The following DSC1 variants were observed in gnomAD, a reference collection of about 807,000 sequenced individuals.
DSC1 encodes desmocollin 1, also known as desmocollin-1.
Under a neutral mutation model 98.8 loss-of-function variants are expected in DSC1, and 79 were observed. The observed-to-expected ratio is 0.80, with a 90% confidence interval of 0.67 to 0.96. The LOEUF (loss-of-function observed/expected upper bound fraction) is 0.96. Ranked by LOEUF, DSC1 falls within the 50% of genes least tolerant of loss-of-function variation. The pLI, the probability that DSC1 is intolerant of heterozygous loss-of-function variation, is 0.00. For missense variants in DSC1, 1,115 were observed against 1,075.9 expected (o/e 1.04, Z -0.51); for synonymous variants, 405 against 372.1 (o/e 1.09, Z -1.02).
Position 31,162,617 on chromosome 18 carries a change from G to A in DSC1, c.-23C>T. The A allele has an allele frequency of 6.2e-7, 1 of 1,611,560 alleles. No homozygotes were observed. The highest frequency in any genetic ancestry group is 2.2e-5 in the East Asian group (1 of 44,862). The stretch of plus-strand genomic sequence containing the variant: ...CATCAGAAGCAGTCCCAATGGCCAG[G>A]GACGGTGGCCAGATAACAGGGCAGC... On this transcript the variant is annotated 5_prime_UTR_variant, in exon 1 of 16. Transcript: ENST00000257198.
At position 31,162,659 on chromosome 18, in the gene DSC1, G is replaced by GTCTTCTTAGCC; in HGVS notation, c.-66_-65insGGCTAAGAAGA. 2 of 1,478,452 alleles carry GTCTTCTTAGCC rather than the reference G, an allele frequency of 1.4e-6. No individual in the cohort carries two copies. The highest frequency in any genetic ancestry group is 1.9e-6 in the Non-Finnish European group (2 of 1,058,862). The allele number at this position is 1,478,452 out of a possible 1,614,324, so 91.6% of individuals were successfully genotyped here. On this transcript the variant is annotated 5_prime_UTR_variant, in exon 1 of 16. Transcript: ENST00000257198. ...CAGGGCAGCCTGGGATGCACAGAGC[G>GTCTTCTTAGCC]GCTAAGAAGACGCTGGCACTTGCAC...
At chr18:31,147,922 A>T (rs1399315749) in intron 6 of DSC1, among the ~76,000 whole-genome samples, 1 of 152,092 alleles carries the variant, frequency 6.6e-6, no homozygotes, top group African/African-American at 2.4e-5. Context: ...TCCTACATTT[A>T]GGCTTCTATA....
At chr18:31,158,790 TA>T (rs1989149816) in intron 2 of DSC1, among the ~76,000 whole-genome samples, 1 of 152,192 alleles carries the variant, frequency 6.6e-6, no homozygotes, top group South Asian at 2.1e-4. Flanking sequence ...ATTTCATGTC[TA>T]ATCAATTGAA....
chr18:31,139,864 T>C lies in DSC1; in HGVS notation c.1547A>G (p.Asn516Ser). ...AGTGTGTTGATTAATTTCAAACCAG[T>C]TATCTTCATCCCCTAACTTCTGATA... is the stretch of plus-strand genomic sequence containing the variant. Reference protein sequence around the residue: ...LRYQKLGDEDNWFEINQHTGD... With the variant: ...LRYQKLGDEDSWFEINQHTGD... The change falls in exon 11 of 16, where the codon AAC becomes AGC. Residue 516 changes from asparagine (N) to serine (S), a missense_variant. Physicochemically the swap from Asn to Ser is conservative, Grantham distance 46. Transcript: ENST00000257198. 6.2e-7 allele frequency: 1 copy of C among 1,609,476 alleles called. No homozygotes were observed. Among genetic ancestry groups the C allele is most frequent in the Non-Finnish European group, 8.5e-7 (1 of 1,178,774 alleles).
chr18:31,137,126 G>C (rs1988626990), intron 11 of DSC1, among the ~76,000 whole-genome samples: 1 of 150,428 alleles, frequency 6.6e-6, no homozygotes, highest in Non-Finnish European at 1.5e-5. Flanking sequence ...TAGAATCACT[G>C]TATTATAAAT....
rs993281866 is a variant in DSC1, at chr18:31,129,585, C to T, written c.*929G>A. 1.6e-4 allele frequency: 24 copies of T among 152,074 alleles called. No homozygotes were observed. The highest frequency in any genetic ancestry group is 1.4e-3 in the Admixed American group (22 of 15,254). The allele number at this position is 152,074 out of a possible 1,614,324, so 9.4% of individuals were successfully genotyped here. A position where few individuals can be genotyped will look rare whatever the true frequency, so the allele number is the denominator to read the frequency against. On this transcript the variant is annotated 3_prime_UTR_variant, in exon 16 of 16. Coordinates refer to ENST00000257198, the MANE Select transcript of DSC1 (RefSeq NM_024421.2). Reference sequence around the variant, plus strand: ...ATATCAGAGTTGCAGCCTAATGCATCAGGGCTAGTTGTCCAAATGCTTGGA... The same window carrying T: ...ATATCAGAGTTGCAGCCTAATGCATTAGGGCTAGTTGTCCAAATGCTTGGA...
chr18:31,139,690 A>G, intron 11 of DSC1, 58 bp downstream of exon 11: 2 of 1,443,428 alleles, frequency 1.4e-6, no homozygotes, highest in South Asian at 1.5e-5. Flanking sequence ...TTTCACCACA[A>G]GGTTTCCTTA....
chr18:31,154,679 A>G, intron 5 of DSC1, 95 bp downstream of exon 5: 6 of 1,121,212 alleles, frequency 5.4e-6, no homozygotes, highest in Non-Finnish European at 7.3e-6. Flanking sequence ...TAAATCAAAT[A>G]ATTGATTCTT....
rs567881119 is a variant in DSC1, at chr18:31,160,206, C to T, written c.64-677G>A. Among the ~76,000 whole-genome samples the T allele has an allele frequency of 1.5e-4, 23 of 152,198 alleles. No homozygotes were observed. In the South Asian group the frequency reaches 4.3e-3, roughly 29 times the overall value. ...TTTTAAAACCTAGGTAGTTCAAAGA[C>T]ATAGACACTATCTGAAAAAAACAAA... On this transcript the variant is annotated intron_variant, in intron 1 of 15. Coordinates refer to ENST00000257198, the MANE Select transcript of DSC1 (RefSeq NM_024421.2).
At chr18:31,146,487 A>G (rs553825943) in intron 6 of DSC1, among the ~76,000 whole-genome samples, 15 of 152,298 alleles carry the variant, frequency 9.8e-5, no homozygotes, top group African/African-American at 3.6e-4. Flanking sequence ...CCAATCCACC[A>G]TTGAAGGGCA....
rs761492687 is a variant in DSC1, at chr18:31,131,689, G to A, written c.2392C>T (p.Gln798Ter). The A allele has an allele frequency of 2.5e-5, 40 of 1,613,954 alleles. No homozygotes were observed. The highest frequency in any genetic ancestry group is 3.3e-5 in the Non-Finnish European group (39 of 1,179,984). ...ACTCCCTTGACGGACTCCAAGGTCT[G>A]ATGTCCACCTCCTTTGTTGGAATCC... is the stretch of plus-strand genomic sequence containing the variant. The part of the protein sequence containing the change: ...TLDSNKGGGH[Q>*]TLESVKGVGQ... The change falls in exon 15 of 16, where the codon CAG becomes TAG. Residue 798 changes from glutamine (Q) to a stop codon, truncating the protein, a stop_gained. Coordinates refer to ENST00000257198, the MANE Select transcript of DSC1 (RefSeq NM_024421.2). LOFTEE classifies it high-confidence loss of function.
At position 31,142,262 on chromosome 18, in the gene DSC1, GAAA is replaced by G. The variant is rs1387145088; in HGVS notation, c.1075-81_1075-79del. 204 of 1,458,948 alleles carry G rather than the reference GAAA, an allele frequency of 1.4e-4. 1 individual carries two copies. The East Asian group carries it at 4.8e-3, about 35-fold the overall frequency. 90.4% of individuals were successfully genotyped at this position (1,458,948 alleles called of 1,614,324 possible). A position where few individuals can be genotyped will look rare whatever the true frequency, so the allele number is the denominator to read the frequency against. On this transcript the variant is annotated intron_variant, in intron 8 of 15. Transcript: ENST00000257198. ...TTATATTCTAAAACACGTATTTAAA[GAAA>G]AAAATAAATAAAGTGATGTGAAAAG...
chr18:31,136,221 A>G (rs1988605435), intron 11 of DSC1, among the ~76,000 whole-genome samples: 1 of 152,112 alleles, frequency 6.6e-6, no homozygotes, highest in African/African-American at 2.4e-5. Context: ...TAACTTTAAA[A>G]TCAGCAAACT....
rs537908477 is a variant in DSC1, at chr18:31,157,397, C to T, written c.325G>A (p.Val109Ile). The change falls in exon 3 of 16, where the codon GTT becomes ATT. Residue 109 changes from valine to isoleucine, a missense_variant. Coordinates refer to ENST00000257198, the MANE Select transcript of DSC1 (RefSeq NM_024421.2). ...TTGTTTTCTCTTGCTGACAGTACAA[C>T]TTTTATCTCTTGTTGTTCCCGTCTC... Reference protein sequence around the residue: ...GQRREQQEIKVVLSARENKSP... With the variant: ...GQRREQQEIKIVLSARENKSP... 38 of 1,614,156 alleles carry T rather than the reference C, an allele frequency of 2.4e-5. No individual in the cohort carries two copies. In the East Asian group the frequency reaches 8.0e-4, roughly 34 times the overall value.
At chr18:31,142,892 T>G (rs1988765734) in intron 8 of DSC1, among the ~76,000 whole-genome samples, 1 of 152,010 alleles carries the variant, frequency 6.6e-6, no homozygotes, top group African/African-American at 2.4e-5. Context: ...TTAACAGACT[T>G]TCTATTTCCT....
At chr18:31,132,274 C>T in intron 14 of DSC1, 1 of 347,088 alleles carries the variant, frequency 2.9e-6, no homozygotes, top group South Asian at 3.6e-5. Context: ...CAGATCCCTC[C>T]CCAGTTCCTT....
At chr18:31,146,664 C>G (rs1351631388) in intron 6 of DSC1, among the ~76,000 whole-genome samples, 7 of 152,186 alleles carry the variant, frequency 4.6e-5, no homozygotes, top group Non-Finnish European at 1.0e-4. Context: ...AATCTCCAAA[C>G]TGCTTTCCAC....
At position 31,131,731 on chromosome 18, in the gene DSC1, T is replaced by C; in HGVS notation, c.2350A>G (p.Lys784Glu). Residue 784 changes from lysine to glutamate, a missense_variant, in exon 15 of 16, where the codon AAA becomes GAA. Coordinates refer to ENST00000257198, the MANE Select transcript of DSC1 (RefSeq NM_024421.2). ...IKTQQSFEMV[K>E]GGYTLDSNKG... ...TTGGAATCCAAAGTGTAGCCTCCTT[T>C]GACCATCTCAAAACTTTGCTGTGTT... The C allele has an allele frequency of 6.2e-7, 1 of 1,614,130 alleles. No homozygotes were observed. The highest frequency in any genetic ancestry group is 1.1e-5 in the South Asian group (1 of 91,088).
At position 31,134,614 on chromosome 18, in the gene DSC1, C is replaced by T. The variant is rs774520872; in HGVS notation, c.1834G>A (p.Asp612Asn). Residue 612 changes from aspartate (D) to asparagine (N), a missense_variant, in exon 12 of 16, where the codon GAT (aspartate) becomes AAT (asparagine). Asp to Asn is a conservative substitution (Grantham distance 23, BLOSUM62 1). Transcript: ENST00000257198. The stretch of plus-strand genomic sequence containing the variant: ...TTCCAGTTTTTACTGGCAGAATTAT[C>T]CAGAAAGAATTGAAAAGGTGGTCCA... ...ENGPPFQFFLDNSASKNWNIE... is the reference protein window; with the variant it reads ...ENGPPFQFFLNNSASKNWNIE... The T allele has an allele frequency of 1.6e-5, 25 of 1,612,204 alleles. 1 individual carries two copies. In the South Asian group the frequency reaches 2.6e-4, roughly 17 times the overall value.
Sources: gnomAD v4.1 joint callset for allele counts (sites outside exome capture counted in the v4.1 genomes callset) on GRCh38, gnomAD v4.1.1 for gene constraint, MANE v1.5 for transcripts, NCBI Gene and HGNC (gene_info 2026-07-23, HGNC 2026-07-21) for gene names.